The following MYO9A variants were observed in gnomAD, a reference collection of about 807,000 sequenced individuals.
MYO9A encodes myosin IXA, also known as unconventional myosin-IXa.
A neutral mutation model predicts 293.3 loss-of-function variants in MYO9A; 103 were observed. The observed-to-expected ratio is 0.35, with a 90% CI of 0.30 to 0.41. MYO9A has a LOEUF of 0.41. Among genes scored for constraint, MYO9A ranks in the 10% least tolerant of loss-of-function variants. The pLI, the probability that MYO9A is intolerant of heterozygous loss-of-function variation, is 1.00. For missense variants in MYO9A, 2,685 were observed against 3,033.0 expected, an observed-to-expected ratio of 0.89 and a Z score of 2.69; for synonymous variants, 1,001 against 1,035.7, an observed-to-expected ratio of 0.97 and a Z score of 0.64.
intron 9 of MYO9A, among the ~76,000 whole-genome samples, chr15:71,994,914 T>C (rs1418826809): frequency 6.6e-6 from 1 of 152,182 alleles, no homozygotes; most frequent in Non-Finnish European, 1.5e-5. Context: ...GTATTTTTAG[T>C]AGAAACGGGG....
chr15:72,108,758 A>G (rs758314792), intron 1 of MYO9A, among the ~76,000 whole-genome samples: 203 of 86,712 alleles, frequency 2.3e-3, no homozygotes, highest in Non-Finnish European at 3.6e-3. Flanking sequence ...GTCATGACAC[A>G]TACATTTTTT....
chr15:72,079,355 T>C (rs2079468793), intron 1 of MYO9A, among the ~76,000 whole-genome samples: 1 of 152,140 alleles, frequency 6.6e-6, no homozygotes, highest in African/African-American at 2.4e-5. Flanking sequence ...AAAATAATTT[T>C]TAGTTGCTTA....
chr15:71,934,109 A>G (rs561032542), intron 17 of MYO9A, among the ~76,000 whole-genome samples: 8 of 152,096 alleles, frequency 5.3e-5, no homozygotes, highest in Non-Finnish European at 1.2e-4. Context: ...TATCACCAAA[A>G]CGTAATCTTC....
chr15:71,886,537 T>C (rs1243674109), intron 27 of MYO9A, among the ~76,000 whole-genome samples: 1 of 152,130 alleles, frequency 6.6e-6, no homozygotes, highest in Non-Finnish European at 1.5e-5. Context: ...AGATACTCTG[T>C]TTTATACTTT....
chr15:72,101,115 T>G (rs1448918792), intron 1 of MYO9A, among the ~76,000 whole-genome samples: 4 of 104,906 alleles, frequency 3.8e-5, no homozygotes, highest in Admixed American at 2.1e-4. Flanking sequence ...GGGAGGGAGG[T>G]CGGGGCATCA....
intron 18 of MYO9A, 77 bp downstream of exon 18, chr15:71,933,593 G>T: frequency 7.8e-7 from 1 of 1,284,952 alleles, no homozygotes; most frequent in Non-Finnish European, 1.1e-6. Context: ...GTTTTTTGAT[G>T]TATGAAGATT....
intron 39 of MYO9A, among the ~76,000 whole-genome samples, chr15:71,835,267 C>A (rs1287139258): frequency 1.3e-5 from 2 of 152,004 alleles, no homozygotes; most frequent in East Asian, 3.9e-4. Context: ...ATCACCACTT[C>A]CATTCAACAC....
chr15:71,945,513 C>T (rs2058890804), intron 15 of MYO9A, among the ~76,000 whole-genome samples: 1 of 151,970 alleles, frequency 6.6e-6, no homozygotes, highest in African/African-American at 2.4e-5. Flanking sequence ...GGCTGGCTGC[C>T]ATAGATGTAC....
intron 32 of MYO9A, among the ~76,000 whole-genome samples, chr15:71,870,182 GA>G (rs1331526702): frequency 6.6e-6 from 1 of 151,432 alleles, no homozygotes; most frequent in Non-Finnish European, 1.5e-5. Flanking sequence ...CAGTGATTTT[GA>G]AAGTCTGTAT....
chr15:72,013,213 G>A (rs1457287538), intron 6 of MYO9A, among the ~76,000 whole-genome samples: 1 of 152,128 alleles, frequency 6.6e-6, no homozygotes, highest in Non-Finnish European at 1.5e-5. Flanking sequence ...TAATCCCAAG[G>A]TTATCTCTGG....
intron 37 of MYO9A, 37 bp from the exon 38 acceptor site, chr15:71,850,204 G>A (rs750575440): frequency 8.1e-6 from 13 of 1,609,760 alleles, no homozygotes; most frequent in Non-Finnish European, 1.1e-5. Context: ...AAATGAGTAA[G>A]GGATAAAAAG....
chr15:72,003,703 C>CAAAA (rs397738256), intron 8 of MYO9A, among the ~76,000 whole-genome samples: 2 of 86,518 alleles, frequency 2.3e-5, no homozygotes, highest in East Asian at 2.8e-4. Flanking sequence ...GACTCCGTCT[C>CAAAA]AAAAAAAAAA....
intron 28 of MYO9A, among the ~76,000 whole-genome samples, chr15:71,882,023 G>A (rs1284132150): frequency 1.3e-5 from 2 of 152,118 alleles, no homozygotes; most frequent in African/African-American, 2.4e-5. Context: ...AAAAACAGGG[G>A]TCTAACTACC....
intron 16 of MYO9A, among the ~76,000 whole-genome samples, chr15:71,937,787 G>A (rs1383903449): frequency 1.3e-5 from 2 of 152,022 alleles, no homozygotes; most frequent in African/African-American, 2.4e-5. Flanking sequence ...GGCATATTGC[G>A]GTTTCTTTTT....
intron 29 of MYO9A, among the ~76,000 whole-genome samples, 153 bp from the exon 30 acceptor site, chr15:71,879,990 G>A (rs2056823867): frequency 6.6e-6 from 1 of 152,194 alleles, no homozygotes; most frequent in African/African-American, 2.4e-5. Flanking sequence ...TGACTAGACA[G>A]TCAAACTATA....
chr15:71,865,896 A>G (rs2056307108), intron 32 of MYO9A, among the ~76,000 whole-genome samples: 1 of 152,238 alleles, frequency 6.6e-6, no homozygotes, highest in Non-Finnish European at 1.5e-5. Flanking sequence ...GACAACCATC[A>G]TATCATGGTT....
At chr15:72,075,737 C>T (rs868445039) in intron 1 of MYO9A, among the ~76,000 whole-genome samples, 1 of 151,542 alleles carries the variant, frequency 6.6e-6, no homozygotes, top group African/African-American at 2.4e-5. Context: ...CCAGCCTGGG[C>T]AACATAGCAA....
At chr15:72,099,738 C>T (rs2080204134) in intron 1 of MYO9A, among the ~76,000 whole-genome samples, 1 of 149,792 alleles carries the variant, frequency 6.7e-6, no homozygotes, top group Non-Finnish European at 1.5e-5. Flanking sequence ...CCTGACTCTA[C>T]TAAAAACATA....
In MYO9A at chr15:71,823,094, C is replaced by CAAGA. The variant is rs2054335909; in HGVS notation, c.*3482_*3485dup. On this transcript the variant is annotated 3_prime_UTR_variant, in exon 42 of 42. Transcript: ENST00000356056. Reference sequence around the variant, plus strand: ...GCATGCCCCGCATCCAGCTTCCCACCAAGAAGAAAAAAGAGAGGAGGATGA... The same window carrying CAAGA: ...GCATGCCCCGCATCCAGCTTCCCACCAAGAAAGAAGAAAAAAGAGAGGAGGATGA... 6.6e-6 allele frequency: 1 copy of CAAGA among 151,728 alleles called. No homozygotes were observed. Among genetic ancestry groups the CAAGA allele is most frequent in the Non-Finnish European group, 1.5e-5 (1 of 67,932 alleles). 9.4% of individuals were successfully genotyped at this position (151,728 alleles called of 1,614,324 possible). A position where few individuals can be genotyped will look rare whatever the true frequency, so the allele number is the denominator to read the frequency against.
Sources: gnomAD v4.1 joint callset for allele counts (sites outside exome capture counted in the v4.1 genomes callset) on GRCh38, gnomAD v4.1.1 for gene constraint, MANE v1.5 for transcripts, NCBI Gene and HGNC (gene_info 2026-07-23, HGNC 2026-07-21) for gene names.